Variants in IKZF1 observed in about 807,000 individuals in gnomAD.
IKZF1 encodes the protein IKAROS family zinc finger 1.
Under a neutral mutation model 51.7 loss-of-function variants are expected in IKZF1, and 10 were observed. That is an observed-to-expected ratio of 0.19 (90% CI 0.12 to 0.33). The LOEUF is 0.33. Ranked by LOEUF, IKZF1 falls within the 10% of genes least tolerant of loss-of-function variation. The pLI, the probability that IKZF1 is intolerant of heterozygous loss-of-function variation, is 1.00. For missense variants in IKZF1, 484 were observed against 707.5 expected (o/e 0.68, Z 3.58); for synonymous variants, 280 against 282.3 (o/e 0.99, Z 0.08).
chr7:50,312,461 G>A (rs1383267655), intron 1 of IKZF1, among the ~76,000 whole-genome samples: 2 of 152,184 alleles, frequency 1.3e-5, no homozygotes, highest in African/African-American at 2.4e-5. Flanking sequence ...TGGGCTTCTT[G>A]CAGCAACAAA....
intron 2 of IKZF1, among the ~76,000 whole-genome samples, chr7:50,325,170 T>G (rs1377883302): frequency 6.6e-6 from 1 of 151,818 alleles, no homozygotes; most frequent in African/African-American, 2.4e-5. Context: ...CTCCCCAAAT[T>G]GCAAGCTCCC....
intron 3 of IKZF1, among the ~76,000 whole-genome samples, chr7:50,350,290 G>A (rs560985548): frequency 6.6e-6 from 1 of 152,354 alleles, no homozygotes; most frequent in African/African-American, 2.4e-5. Flanking sequence ...GTGGAGCCCA[G>A]CTCCAGAGGC....
intron 1 of IKZF1, among the ~76,000 whole-genome samples, chr7:50,307,835 A>G (rs1486502848): frequency 6.6e-6 from 1 of 152,178 alleles, no homozygotes; most frequent in Non-Finnish European, 1.5e-5. Context: ...CAGATGAGGA[A>G]CAAGATAGGA....
At chr7:50,317,486 A>G (rs1791888910) in intron 1 of IKZF1, among the ~76,000 whole-genome samples, 1 of 152,020 alleles carries the variant, frequency 6.6e-6, no homozygotes, top group South Asian at 2.1e-4. Context: ...TGCTTTTTGG[A>G]AATGCTTGTG....
intron 3 of IKZF1, among the ~76,000 whole-genome samples, chr7:50,334,386 T>A (rs1797088630): frequency 6.6e-6 from 1 of 151,950 alleles, no homozygotes; most frequent in Admixed American, 6.6e-5. Flanking sequence ...GGGGTATATG[T>A]GGTGTGTGAT....
chr7:50,363,587 C>G (rs538865952), intron 3 of IKZF1, among the ~76,000 whole-genome samples: 5 of 152,300 alleles, frequency 3.3e-5, no homozygotes, highest in East Asian at 1.9e-4. Context: ...TTAGTTGCCT[C>G]TTTTCTAAGA....
At chr7:50,381,061 GA>G (rs1213592992) in intron 4 of IKZF1, among the ~76,000 whole-genome samples, 1 of 152,048 alleles carries the variant, frequency 6.6e-6, no homozygotes, top group African/African-American at 2.4e-5. Flanking sequence ...GCCTATAATT[GA>G]ACATCACTGT....
intron 3 of IKZF1, among the ~76,000 whole-genome samples, chr7:50,362,780 C>T (rs759781829): frequency 4.6e-5 from 7 of 151,952 alleles, no homozygotes; most frequent in African/African-American, 1.2e-4. Flanking sequence ...CAGTTGTGAC[C>T]GGATAAGAGC....
At chr7:50,317,073 G>GA (rs1448015986) in intron 1 of IKZF1, among the ~76,000 whole-genome samples, 4 of 152,108 alleles carry the variant, frequency 2.6e-5, no homozygotes, top group African/African-American at 9.7e-5. Flanking sequence ...TAAATATACA[G>GA]AAAAAATAGT....
intron 3 of IKZF1, among the ~76,000 whole-genome samples, chr7:50,371,572 G>A (rs115737281): frequency 0.011 from 1,610 of 152,332 alleles, 35 homozygotes; most frequent in African/African-American, 0.035. Flanking sequence ...CAGCCTCCAG[G>A]GCTTGCTTCT....
chr7:50,353,066 T>A (rs1802272617), intron 3 of IKZF1, among the ~76,000 whole-genome samples: 1 of 152,226 alleles, frequency 6.6e-6, no homozygotes, highest in Non-Finnish European at 1.5e-5. Context: ...TATGGTAGAA[T>A]CTTTTCATAG....
chr7:50,328,955 C>T (rs1390314724), intron 3 of IKZF1: 1 of 151,744 alleles, frequency 6.6e-6, no homozygotes, highest in African/African-American at 2.4e-5. Flanking sequence ...CGCCTGTAGT[C>T]CCAGCTACTC....
chr7:50,303,903 C>G (rs1318861377), upstream of IKZF1, among the ~76,000 whole-genome samples: 1 of 145,400 alleles, frequency 6.9e-6, no homozygotes, highest in Non-Finnish European at 1.5e-5. This position sits in a 1 kb window ranked among gnomAD's most constrained non-coding sequence, Gnocchi z 4.7. Context: ...ACGCGCGGGT[C>G]CCGCAGCGCC....
At chr7:50,306,503 C>A (rs1401135920) in intron 1 of IKZF1, among the ~76,000 whole-genome samples, 1 of 152,150 alleles carries the variant, frequency 6.6e-6, no homozygotes. Flanking sequence ...TACACACCCC[C>A]CTAATGCAGA....
At chr7:50,359,388 T>C (rs917247630) in intron 3 of IKZF1, among the ~76,000 whole-genome samples, 3 of 152,248 alleles carry the variant, frequency 2.0e-5, no homozygotes, top group African/African-American at 7.2e-5. Context: ...CTGAGTCTTG[T>C]AGAGACCAGA....
intron 3 of IKZF1, among the ~76,000 whole-genome samples, chr7:50,357,486 G>A (rs1012517971): frequency 2.0e-5 from 3 of 152,050 alleles, no homozygotes; most frequent in African/African-American, 4.8e-5. Flanking sequence ...CCTCCCTCCA[G>A]TTGGCATGGC....
At chr7:50,337,773 T>G in intron 3 of IKZF1, among the ~76,000 whole-genome samples, 1 of 152,208 alleles carries the variant, frequency 6.6e-6, no homozygotes, top group East Asian at 1.9e-4. Context: ...TAGGTCACTG[T>G]TTCTCAGTGG....
chr7:50,311,157 C>T (rs1191077273), intron 1 of IKZF1, among the ~76,000 whole-genome samples: 3 of 152,150 alleles, frequency 2.0e-5, no homozygotes, highest in African/African-American at 7.2e-5. Flanking sequence ...AACCAAGTGG[C>T]CTACCTTAGT....
chr7:50,394,632 A>T (rs989666194), intron 7 of IKZF1, among the ~76,000 whole-genome samples: 5 of 152,202 alleles, frequency 3.3e-5, no homozygotes, highest in African/African-American at 7.2e-5. Context: ...GGGGTGATGG[A>T]TGTGATGGTG....
Sources: gnomAD v4.1 joint callset for allele counts (sites outside exome capture counted in the v4.1 genomes callset) on GRCh38, gnomAD v4.1.1 for gene constraint, Gnocchi (gnomAD v3.1) non-coding constraint, MANE v1.5 for transcripts, NCBI Gene and HGNC (gene_info 2026-07-23, HGNC 2026-07-21) for gene names.